Variants in DPF3 observed in about 807,000 individuals in gnomAD.
DPF3 encodes the protein double PHD fingers 3.
A neutral mutation model predicts 56.8 loss-of-function variants in DPF3; 18 were observed. The ratio of observed to expected loss-of-function variants is 0.32; its 90% CI spans 0.22 to 0.47. The LOEUF is 0.47. Ranked by LOEUF, DPF3 falls within the 20% of genes least tolerant of loss-of-function variation. The pLI is 1.00. For synonymous variants in DPF3, 188 were observed against 180.2 expected (o/e 1.04, Z -0.35); for missense variants, 403 against 488.8 (o/e 0.82, Z 1.65).
intron 3 of DPF3, among the ~76,000 whole-genome samples, chr14:72,745,220 A>G (rs1337775400): frequency 6.6e-6 from 1 of 152,198 alleles, no homozygotes; most frequent in African/African-American, 2.4e-5. Flanking sequence ...TTCTTCAGCA[A>G]GTTTTGCCCA....
intron 2 of DPF3, among the ~76,000 whole-genome samples, chr14:72,758,626 G>A (rs1405788996): frequency 3.9e-5 from 6 of 152,122 alleles, no homozygotes; most frequent in South Asian, 2.1e-4. Context: ...AGGTAACAGC[G>A]CTCGGTGTGC....
At chr14:72,637,806 A>G (rs546969607) in intron 8 of DPF3, among the ~76,000 whole-genome samples, 5 of 152,304 alleles carry the variant, frequency 3.3e-5, no homozygotes, top group African/African-American at 1.2e-4. Flanking sequence ...GAAAGTTAAA[A>G]AAGAAAAAAA....
intron 1 of DPF3, among the ~76,000 whole-genome samples, chr14:72,813,682 G>A (rs1009717947): frequency 3.3e-5 from 5 of 152,338 alleles, no homozygotes; most frequent in Non-Finnish European, 7.3e-5. Flanking sequence ...AGGCTCCCCT[G>A]CTCACTAGCG....
intron 3 of DPF3, among the ~76,000 whole-genome samples, chr14:72,735,064 TAAACTC>T (rs886802619): frequency 2.0e-5 from 3 of 152,112 alleles, no homozygotes; most frequent in Non-Finnish European, 4.4e-5. Context: ...AGCCCGGCCT[TAAACTC>T]AATCTGCCTT....
At chr14:72,732,826 C>A (rs891553997) in intron 3 of DPF3, among the ~76,000 whole-genome samples, 1 of 151,858 alleles carries the variant, frequency 6.6e-6, no homozygotes, top group African/African-American at 2.4e-5. Context: ...TCTTTCCTTC[C>A]CTCCTTTCTT....
intron 8 of DPF3, among the ~76,000 whole-genome samples, chr14:72,632,426 C>T (rs1011683859): frequency 4.6e-5 from 7 of 152,040 alleles, no homozygotes; most frequent in Admixed American, 2.6e-4. Context: ...AACTGAGTGA[C>T]GAGCTCAAGG....
chr14:72,709,467 C>T (rs1405911723), intron 6 of DPF3, among the ~76,000 whole-genome samples: 1 of 152,140 alleles, frequency 6.6e-6, no homozygotes, highest in Middle Eastern at 3.2e-3. Context: ...GTAACTACTA[C>T]CTGACTCCAG....
intron 6 of DPF3, among the ~76,000 whole-genome samples, chr14:72,701,545 G>C (rs56775478): frequency 6.6e-6 from 1 of 152,124 alleles, no homozygotes; most frequent in African/African-American, 2.4e-5. Context: ...TAGTCTGGGC[G>C]GGGGTCGGGG....
chr14:72,662,312 C>A, intron 8 of DPF3: 1 of 984,928 alleles, frequency 1.0e-6, no homozygotes, highest in Non-Finnish European at 1.2e-6. Flanking sequence ...AGTTAATATG[C>A]AGTCTTTTAT....
intron 8 of DPF3, among the ~76,000 whole-genome samples, chr14:72,655,532 C>A (rs1458913684): frequency 3.9e-5 from 6 of 152,176 alleles, no homozygotes; most frequent in African/African-American, 1.2e-4. Flanking sequence ...TCAGCAGAAC[C>A]ATTTTCACCT....
rs116687315 is a variant in DPF3 at position 72,827,459 on chromosome 14, C to G, written c.33-55566G>C. The stretch of plus-strand genomic sequence containing the variant: ...GGTTTTTCTACTTGGTATACCAACT[C>G]CTAGTACTCAACAACCATTCCCTTT... On this transcript the variant is annotated intron_variant, in intron 1 of 10. Coordinates refer to ENST00000556509, the MANE Select transcript of DPF3 (RefSeq NM_001280542.3). Among the ~76,000 whole-genome samples the G allele has an allele frequency of 4.3e-3, 646 of 148,798 alleles. 4 individuals are homozygous for G. Among genetic ancestry groups the G allele is most frequent in the African/African-American group, 0.015 (622 of 40,316 alleles).
intron 1 of DPF3, among the ~76,000 whole-genome samples, chr14:72,797,103 G>A (rs1339757396): frequency 6.6e-6 from 1 of 152,218 alleles, no homozygotes; most frequent in Non-Finnish European, 1.5e-5. Context: ...CCAGTTCCAA[G>A]CTCAGGCCTC....
rs889882585 is a variant in DPF3 at position 72,669,092 on chromosome 14, G to A, written c.871+5148C>T. The stretch of plus-strand genomic sequence containing the variant: ...CAAAACTGAGAATAAATGCCCAGGC[G>A]ATCACATACACATCTCAAGCATGAG... On this transcript the variant is annotated intron_variant, in intron 8 of 10. Coordinates refer to ENST00000556509, the MANE Select transcript of DPF3 (RefSeq NM_001280542.3). 3.9e-5 allele frequency among the ~76,000 whole-genome samples: 6 copies of A among 152,202 alleles called. 1 individual carries two copies. The highest frequency in any genetic ancestry group is 6.5e-5 in the Admixed American group (1 of 15,286).
chr14:72,844,938 A>G lies in DPF3; in HGVS notation c.32+49119T>C, dbSNP rs1884689926. On this transcript the variant is annotated intron_variant, in intron 1 of 10. Transcript: ENST00000556509. ...AGTTCAAGACCAGCCTGGGCAACATAGTGAGTCCCTGACTCTACAACAAAT... is the reference window on the plus strand; with the variant it reads ...AGTTCAAGACCAGCCTGGGCAACATGGTGAGTCCCTGACTCTACAACAAAT... Among the ~76,000 whole-genome samples the G allele has an allele frequency of 2.6e-5, 4 of 152,314 alleles. No homozygotes were observed. In the South Asian group the frequency reaches 6.2e-4, roughly 24 times the overall value.
At chr14:72,870,609 T>G (rs1885860189) in intron 1 of DPF3, among the ~76,000 whole-genome samples, 1 of 152,230 alleles carries the variant, frequency 6.6e-6, no homozygotes, top group Non-Finnish European at 1.5e-5. Context: ...AAACAATAAA[T>G]TGATAAAAAT....
intron 6 of DPF3, among the ~76,000 whole-genome samples, chr14:72,712,286 C>G (rs1202116181): frequency 6.6e-6 from 1 of 152,278 alleles, no homozygotes; most frequent in African/African-American, 2.4e-5. Flanking sequence ...ACTCAGGAGA[C>G]AGTGTGTGAT....
Position 72,629,691 on chromosome 14 carries a change from A to G in DPF3, c.917T>C (p.Val306Ala). Residue 306 changes from valine to alanine, a missense_variant, in exon 9 of 11, where the codon GTC becomes GCC. Physicochemically the swap from Val to Ala is moderately conservative, Grantham distance 64. Transcript: ENST00000556509. ...TATGCACTGCCACTTGTAGGTCTTG[A>G]CAGCCTCGGTCATGTTCAGGGTAAA... is the stretch of plus-strand genomic sequence containing the variant. ...LQFTLNMTEA[V>A]KTYKWQCIEC... is the part of the protein sequence containing the mutation. 6.5e-7 allele frequency: 1 copy of G among 1,536,146 alleles called. No individual in the cohort carries two copies. Among genetic ancestry groups the G allele is most frequent in the Non-Finnish European group, 8.7e-7 (1 of 1,146,886 alleles).
At chr14:72,707,046 A>C (rs1287723026) in intron 6 of DPF3, among the ~76,000 whole-genome samples, 2 of 151,904 alleles carry the variant, frequency 1.3e-5, no homozygotes, top group Non-Finnish European at 2.9e-5. Flanking sequence ...CTCATTGTTC[A>C]ATTCCCACCT....
intron 1 of DPF3, among the ~76,000 whole-genome samples, chr14:72,809,984 C>T (rs116001659): frequency 7.6e-4 from 115 of 152,260 alleles, no homozygotes; most frequent in African/African-American, 2.7e-3. Context: ...TAGAGAAATA[C>T]ATGAGAAAAA....
Sources: gnomAD v4.1 joint callset for allele counts (sites outside exome capture counted in the v4.1 genomes callset) on GRCh38, gnomAD v4.1.1 for gene constraint, MANE v1.5 for transcripts, NCBI Gene and HGNC (gene_info 2026-07-23, HGNC 2026-07-21) for gene names.